The following RBPMS variants were observed in gnomAD, a reference collection of about 807,000 sequenced individuals.
The protein encoded by RBPMS is RNA binding protein, mRNA processing factor, also known as RNA-binding protein with multiple splicing.
A neutral mutation model predicts 26.8 loss-of-function variants in RBPMS; 7 were observed. The observed-to-expected ratio is 0.26, with a 90% confidence interval of 0.15 to 0.49. The LOEUF is 0.49. Among genes scored for constraint, RBPMS ranks in the 20% least tolerant of loss-of-function variants. The pLI is 0.98. For missense variants in RBPMS, 186 were observed against 250.0 expected, an observed-to-expected ratio of 0.74 and a Z score of 1.73; for synonymous variants, 96 against 93.3, an observed-to-expected ratio of 1.03 and a Z score of -0.17.
intron 1 of RBPMS, among the ~76,000 whole-genome samples, chr8:30,465,659 C>T (rs868758154): frequency 3.3e-5 from 5 of 152,138 alleles, no homozygotes; most frequent in Non-Finnish European, 1.5e-5. Context: ...TGATGGCAGG[C>T]GCCTGTAATC....
chr8:30,395,521 G>A (rs368627957), intron 1 of RBPMS, among the ~76,000 whole-genome samples: 2 of 94,764 alleles, frequency 2.1e-5, no homozygotes, highest in East Asian at 2.9e-4. Flanking sequence ...AATCAAACCT[G>A]TAAAAACACT....
chr8:30,410,111 T>G (rs1809152259), intron 1 of RBPMS, among the ~76,000 whole-genome samples: 1 of 149,882 alleles, frequency 6.7e-6, no homozygotes. Flanking sequence ...CTTAAACATT[T>G]TGGCAAAGCT....
At chr8:30,566,181 G>C in intron 7 of RBPMS, 76 bp from the exon 8 acceptor site, 1 of 813,864 alleles carries the variant, frequency 1.2e-6, no homozygotes, top group Non-Finnish European at 1.5e-6. Flanking sequence ...CTCAGAACAG[G>C]CCGGTCTTCA....
intron 1 of RBPMS, among the ~76,000 whole-genome samples, chr8:30,389,012 G>GA (rs564022032): frequency 2.2e-3 from 330 of 152,260 alleles, no homozygotes; most frequent in African/African-American, 7.7e-3. Flanking sequence ...GGGTTGTAAA[G>GA]AAAATTATTT....
Position 30,385,632 on chromosome 8 carries a change from A to G in RBPMS, c.66+474A>G, listed in dbSNP as rs529525637. 1.3e-4 allele frequency among the ~76,000 whole-genome samples: 20 copies of G among 152,138 alleles called. No homozygotes were observed. In the South Asian group the frequency reaches 3.5e-3, roughly 27 times the overall value. ...TTCCGTGTTAAAAGTTCTTGGTGAAATATCTTTCTAGCCGAGGTTTTTTGG... is the reference window on the plus strand; with the variant it reads ...TTCCGTGTTAAAAGTTCTTGGTGAAGTATCTTTCTAGCCGAGGTTTTTTGG... On this transcript the variant is annotated intron_variant, in intron 1 of 8. Transcript: ENST00000397323.
At position 30,549,793 on chromosome 8, in the gene RBPMS, T is replaced by TCTCTCTCTCTCTCTCTCC. The variant is rs1464873852; in HGVS notation, c.528+5172_528+5173insTCTCTCTCTCTCTCCCTC. ...TTTCTTCTCTCTCTCTCTCTCTCTC[T>TCTCTCTCTCTCTCTCTCC]CTCCCCTCTCTCCTCTCTCTCTCTC... On this transcript the variant is annotated intron_variant, in intron 6 of 8. Coordinates refer to ENST00000397323, the MANE Select transcript of RBPMS (RefSeq NM_001008710.3). Among the ~76,000 whole-genome samples the TCTCTCTCTCTCTCTCTCC allele has an allele frequency of 2.2e-4, 24 of 109,416 alleles. 1 individual carries two copies. The highest frequency in any genetic ancestry group is 9.7e-4 in the African/African-American group (24 of 24,648). 71.8% of individuals were successfully genotyped at this position (109,416 alleles called of 152,430 possible).
Position 30,430,037 on chromosome 8 carries a change from G to A in RBPMS, c.67-44742G>A, listed in dbSNP as rs1299551330. Among the ~76,000 whole-genome samples the A allele has an allele frequency of 2.0e-5, 3 of 152,140 alleles. No homozygotes were observed. The East Asian group carries it at 5.8e-4, about 29-fold the overall frequency. ...CATGCCTGTAATCACAGCCCTTTGG[G>A]AAGCCGAGGCGGGCAGATTGCTTGA... On this transcript the variant is annotated intron_variant, in intron 1 of 8. Coordinates refer to ENST00000397323, the MANE Select transcript of RBPMS (RefSeq NM_001008710.3).
At position 30,524,244 on chromosome 8, in the gene RBPMS, C is replaced by A. The variant is rs537638076; in HGVS notation, c.397+19808C>A. On this transcript the variant is annotated intron_variant, in intron 5 of 8. Coordinates refer to ENST00000397323, the MANE Select transcript of RBPMS (RefSeq NM_001008710.3). Reference sequence around the variant, plus strand: ...ATTGATTATCAGGATCTACCAATTGCCCATTCCTTTTTATGTTTGTTTATT... The same window carrying A: ...ATTGATTATCAGGATCTACCAATTGACCATTCCTTTTTATGTTTGTTTATT... Among the ~76,000 whole-genome samples, 6 of 152,150 alleles carry A rather than the reference C, an allele frequency of 3.9e-5. No homozygotes were observed. In the South Asian group the frequency reaches 1.2e-3, roughly 32 times the overall value.
chr8:30,555,998 C>T (rs1424551373), intron 6 of RBPMS: 4 of 985,250 alleles, frequency 4.1e-6, no homozygotes, highest in Non-Finnish European at 3.6e-6. Flanking sequence ...ATGAGCCGCT[C>T]AGACTTGGCC....
At chr8:30,419,450 A>ATGTGTGTGTGTGTGTGTGTGTGTGTGTG (rs71278690) in intron 1 of RBPMS, among the ~76,000 whole-genome samples, 14 of 143,176 alleles carry the variant, frequency 9.8e-5, no homozygotes, top group African/African-American at 3.7e-4. Context: ...CATCTCAAAA[A>ATGTGTGTGTGTGTGTGTGTGTGTGTGTG]TGTGTGTGTG....
chr8:30,419,739 T>C (rs1810533784), intron 1 of RBPMS, among the ~76,000 whole-genome samples: 1 of 152,104 alleles, frequency 6.6e-6, no homozygotes, highest in Non-Finnish European at 1.5e-5. Flanking sequence ...CCCCAACATA[T>C]CTCATTATTT....
At chr8:30,477,872 T>C (rs1817864619) in intron 3 of RBPMS, 35 bp downstream of exon 3, 1 of 1,444,630 alleles carries the variant, frequency 6.9e-7, no homozygotes, top group Non-Finnish European at 9.7e-7. Flanking sequence ...AAGATCACTT[T>C]TTTACTTTCC....
chr8:30,468,829 A>G (rs192901153), intron 1 of RBPMS, among the ~76,000 whole-genome samples: 2 of 152,340 alleles, frequency 1.3e-5, no homozygotes, highest in Admixed American at 1.3e-4. Flanking sequence ...CTTCATTTAT[A>G]TCTATAAGAA....
chr8:30,477,421 C>T lies in RBPMS; in HGVS notation c.145-378C>T, dbSNP rs182705256. 1.3e-3 allele frequency among the ~76,000 whole-genome samples: 194 copies of T among 152,210 alleles called. 1 individual carries two copies. The highest frequency in any genetic ancestry group is 0.011 in the South Asian group (53 of 4,820). ...ATGACCAATACATGGCTCTGACCTT[C>T]CTGTTGTATTAAATTTACCCTCTTT... On this transcript the variant is annotated intron_variant, in intron 2 of 8. Coordinates refer to ENST00000397323, the MANE Select transcript of RBPMS (RefSeq NM_001008710.3).
intron 4 of RBPMS, among the ~76,000 whole-genome samples, chr8:30,489,871 C>T (rs1040067907): frequency 3.3e-5 from 5 of 150,120 alleles, no homozygotes; most frequent in Non-Finnish European, 7.4e-5. Flanking sequence ...AGTGCAGTGG[C>T]GCGATGTTGG....
At chr8:30,522,131 C>T (rs1490940817) in intron 5 of RBPMS, among the ~76,000 whole-genome samples, 1 of 152,104 alleles carries the variant, frequency 6.6e-6, no homozygotes. Flanking sequence ...ACAGTGTACA[C>T]GTATTCCAAA....
At chr8:30,458,171 TAA>T (rs937603073) in intron 1 of RBPMS, among the ~76,000 whole-genome samples, 1 of 152,196 alleles carries the variant, frequency 6.6e-6, no homozygotes, top group Admixed American at 6.5e-5. Flanking sequence ...AATGATGACC[TAA>T]AAAAGTCTGT....
chr8:30,566,403 G>A (rs1827888311), intron 8 of RBPMS, 43 bp downstream of exon 8: 1 of 671,500 alleles, frequency 1.5e-6, no homozygotes. Flanking sequence ...GGGGCGGCAT[G>A]GCGAACACGT....
At chr8:30,516,714 C>T (rs1822344117) in intron 5 of RBPMS, among the ~76,000 whole-genome samples, 1 of 151,962 alleles carries the variant, frequency 6.6e-6, no homozygotes, top group Admixed American at 6.6e-5. Context: ...TAAGGCATTC[C>T]AAAAACATAG....
Sources: allele counts gnomAD v4.1 joint callset (sites outside exome capture counted in the v4.1 genomes callset), GRCh38; gene constraint gnomAD v4.1.1; transcripts MANE v1.5; gene names NCBI Gene and HGNC (gene_info 2026-07-23, HGNC 2026-07-21).